The following PDXDC1 variants were observed in gnomAD, a reference collection of about 807,000 sequenced individuals.
PDXDC1 encodes pyridoxal dependent decarboxylase domain containing 1.
A neutral mutation model predicts 100.1 loss-of-function variants in PDXDC1; 42 were observed. The ratio of observed to expected loss-of-function variants is 0.42; its 90% CI spans 0.33 to 0.54. The LOEUF is 0.54. Ranked by LOEUF, PDXDC1 falls within the 20% of genes least tolerant of loss-of-function variation. The pLI, the probability that PDXDC1 is intolerant of heterozygous loss-of-function variation, is 0.10. For synonymous variants in PDXDC1, 260 were observed against 371.7 expected (o/e 0.70, Z 3.46); for missense variants, 636 against 979.2 (o/e 0.65, Z 4.68).
intron 16 of PDXDC1, chr16:15,135,211 G>A (rs1451283880): frequency 5.3e-5 from 41 of 780,720 alleles, no homozygotes; most frequent in South Asian, 1.0e-4. Context: ...ACTAAAACAC[G>A]GAAAACAGTA....
chr16:15,091,280 T>G (rs752152204), intron 16 of PDXDC1: 14 of 1,604,082 alleles, frequency 8.7e-6, no homozygotes, highest in Middle Eastern at 2.3e-4. Flanking sequence ...ACAGTGGCAA[T>G]AATTTTGCTA....
At chr16:14,996,808 G>A (rs1972080301) in intron 1 of PDXDC1, among the ~76,000 whole-genome samples, 1 of 152,288 alleles carries the variant, frequency 6.6e-6, no homozygotes, top group South Asian at 2.1e-4. Flanking sequence ...AGTGAGCCAC[G>A]ATCAAACCAC....
chr16:15,019,977 T>C (rs2042058673), intron 12 of PDXDC1, among the ~76,000 whole-genome samples: 1 of 152,160 alleles, frequency 6.6e-6, no homozygotes, highest in Non-Finnish European at 1.5e-5. Flanking sequence ...CTGGGCGTGG[T>C]GGCGGGCGCC....
At chr16:15,093,639 T>C (rs1238304983) in intron 16 of PDXDC1, among the ~76,000 whole-genome samples, 1 of 152,182 alleles carries the variant, frequency 6.6e-6, no homozygotes, top group African/African-American at 2.4e-5. Context: ...AAACATAGCA[T>C]CCTAATGACT....
intron 16 of PDXDC1, among the ~76,000 whole-genome samples, chr16:15,031,243 C>T (rs944489801): frequency 1.3e-5 from 2 of 151,122 alleles, no homozygotes; most frequent in African/African-American, 4.9e-5. Flanking sequence ...TAAGGATTGC[C>T]TGGCCACAGC....
At chr16:15,102,303 T>A (rs1406117852) in intron 16 of PDXDC1, among the ~76,000 whole-genome samples, 1 of 151,816 alleles carries the variant, frequency 6.6e-6, no homozygotes, top group Non-Finnish European at 1.5e-5. Context: ...CTGAGGAGGA[T>A]TTCATTATAA....
At chr16:15,102,257 G>A (rs962990852) in intron 16 of PDXDC1, among the ~76,000 whole-genome samples, 2 of 151,904 alleles carry the variant, frequency 1.3e-5, no homozygotes, top group Non-Finnish European at 2.9e-5. Context: ...CTCCCAAAGT[G>A]CTGGGATTAC....
rs1970226673 is a variant in PDXDC1, at chr16:14,989,595, T to G, written c.22-8158T>G. The G allele has an allele frequency of 4.3e-6, 7 of 1,610,272 alleles. No individual in the cohort carries two copies. In the Admixed American group the frequency reaches 1.2e-4, roughly 27 times the overall value. On this transcript the variant is annotated intron_variant, in intron 1 of 22. Transcript: ENST00000396410. ...GCCCCTGTGCGCCAGAAAGCCCTCT[T>G]GCAGCAGCACGCAGTCGCGGCCGGA...
At chr16:15,129,439 C>CA (rs2047934376) in intron 16 of PDXDC1, among the ~76,000 whole-genome samples, 1 of 151,832 alleles carries the variant, frequency 6.6e-6, no homozygotes, top group Non-Finnish European at 1.5e-5. Flanking sequence ...ACTCCGTCTC[C>CA]AAAAAAAGAA....
chr16:15,088,565 G>A (rs535110414), intron 16 of PDXDC1, among the ~76,000 whole-genome samples: 2 of 152,162 alleles, frequency 1.3e-5, no homozygotes, highest in African/African-American at 4.8e-5. Flanking sequence ...ACAAAATACA[G>A]TGGAACACAA....
intron 16 of PDXDC1, chr16:15,104,363 A>G: frequency 6.3e-7 from 1 of 1,597,644 alleles, no homozygotes; most frequent in Non-Finnish European, 8.5e-7. Flanking sequence ...TCTTCAGATT[A>G]TCATCCACTG....
chr16:15,094,399 G>T, intron 16 of PDXDC1: 3 of 649,948 alleles, frequency 4.6e-6, no homozygotes, highest in South Asian at 1.8e-5. Context: ...GCTGAAACCC[G>T]CTCCTCGTTC....
chr16:15,089,297 C>T (rs1449579953), intron 16 of PDXDC1, among the ~76,000 whole-genome samples: 3 of 151,884 alleles, frequency 2.0e-5, no homozygotes, highest in Non-Finnish European at 4.4e-5. Flanking sequence ...TTCTGCCCGT[C>T]CCCAAAAACG....
At chr16:14,999,322 C>T (rs1399689673) in intron 3 of PDXDC1, among the ~76,000 whole-genome samples, 2 of 152,234 alleles carry the variant, frequency 1.3e-5, no homozygotes, top group African/African-American at 4.8e-5. Flanking sequence ...CTGCCTTAGC[C>T]TCTCAAAGTG....
intron 16 of PDXDC1, among the ~76,000 whole-genome samples, chr16:15,120,962 C>CA (rs1326359080): frequency 1.6e-4 from 2 of 12,172 alleles, no homozygotes; most frequent in African/African-American, 5.8e-4. Flanking sequence ...GACTCTGTCT[C>CA]AAAAAAAAGA....
At chr16:15,081,492 A>T (rs1377472620) in intron 16 of PDXDC1, among the ~76,000 whole-genome samples, 1 of 152,074 alleles carries the variant, frequency 6.6e-6, no homozygotes, top group East Asian at 1.9e-4. Flanking sequence ...TTTTTGCAGA[A>T]ATGCCTATTC....
At chr16:15,091,314 C>T in intron 16 of PDXDC1, 1 of 1,601,732 alleles carries the variant, frequency 6.2e-7, no homozygotes, top group South Asian at 1.1e-5. Context: ...AAATTAATTA[C>T]CTTTATGTCT....
chr16:15,143,660 T>TGGGCCGGGG (rs1280662920), downstream of PDXDC1, among the ~76,000 whole-genome samples: 1 of 152,192 alleles, frequency 6.6e-6, no homozygotes, highest in Non-Finnish European at 1.5e-5. Flanking sequence ...CAGGCGCTCC[T>TGGGCCGGGG]GGGCCGGGGG....
In PDXDC1 at chr16:15,016,175, A is replaced by G. The variant is rs2041781727; in HGVS notation, c.774A>G (p.Glu258=). Residue 258 remains glutamate (E), a synonymous_variant, in exon 9 of 23, where the codon GAA becomes GAG. Transcript: ENST00000396410. The part of the protein sequence containing the change: ...GHTDKIGRLK[E]LCEQYGIWLH... The stretch of plus-strand genomic sequence containing the variant: ...CAGACAAGATTGGGAGATTGAAAGA[A>G]CTCTGTGAGCAGTATGGCATATGGC... 1 of 1,613,418 alleles carries G rather than the reference A, an allele frequency of 6.2e-7. No individual in the cohort carries two copies. The highest frequency in any genetic ancestry group is 1.7e-5 in the Admixed American group (1 of 59,660).
Sources: allele counts gnomAD v4.1 joint callset (sites outside exome capture counted in the v4.1 genomes callset), GRCh38; gene constraint gnomAD v4.1.1; transcripts MANE v1.5; gene names NCBI Gene and HGNC (gene_info 2026-07-23, HGNC 2026-07-21).